The following PTPRD variants were observed in gnomAD, a reference collection of about 807,000 sequenced individuals.
PTPRD encodes the protein receptor-type tyrosine-protein phosphatase delta.
A neutral mutation model predicts 214.5 loss-of-function variants in PTPRD; 34 were observed. The observed-to-expected ratio is 0.16, with a 90% CI of 0.12 to 0.21. The LOEUF (loss-of-function observed/expected upper bound fraction) is 0.21, where lower values mean the gene tolerates loss of function less well. Ranked by LOEUF, PTPRD falls within the 10% of genes least tolerant of loss-of-function variation. PTPRD has a pLI of 1.00. For missense variants in PTPRD, 2,545 were observed against 2,398.7 expected, an observed-to-expected ratio of 1.06 and a Z score of -1.27; for synonymous variants, 1,128 against 845.7, an observed-to-expected ratio of 1.33 and a Z score of -5.79.
intron 4 of PTPRD, among the ~76,000 whole-genome samples, chr9:9,940,629 G>C (rs1031805773): frequency 1.3e-5 from 2 of 152,026 alleles, no homozygotes; most frequent in Non-Finnish European, 2.9e-5. Flanking sequence ...ATACCTGGAG[G>C]CTATAATATT....
In PTPRD at chr9:9,883,110, C is replaced by T. The variant is rs74529145; in HGVS notation, c.-368+55397G>A. ...AAGCCTCTTTTAGTTATAAATTACCCAGTCTTAGGTATTCCTTTACAGCAA... is the reference window on the plus strand; with the variant it reads ...AAGCCTCTTTTAGTTATAAATTACCTAGTCTTAGGTATTCCTTTACAGCAA... On this transcript the variant is annotated intron_variant, in intron 5 of 45. Coordinates refer to ENST00000381196, the MANE Select transcript of PTPRD (RefSeq NM_002839.4). Among the ~76,000 whole-genome samples, 182 of 152,224 alleles carry T rather than the reference C, an allele frequency of 1.2e-3. 2 individuals are homozygous for T. In the East Asian group the frequency reaches 0.029, roughly 24 times the overall value.
At chr9:8,772,472 G>C (rs1045661295) in intron 11 of PTPRD, among the ~76,000 whole-genome samples, 2 of 151,902 alleles carry the variant, frequency 1.3e-5, no homozygotes, top group African/African-American at 4.8e-5. Context: ...AAGATAGTGA[G>C]ACCCCATCTC....
At position 8,849,199 on chromosome 9, in the gene PTPRD, G is replaced by T. The variant is rs1331665133; in HGVS notation, c.-103-115253C>A. Among the ~76,000 whole-genome samples the T allele has an allele frequency of 3.7e-4, 43 of 117,122 alleles. 1 individual carries two copies. In the East Asian group the frequency reaches 0.011, roughly 30 times the overall value. 76.8% of individuals were successfully genotyped at this position (117,122 alleles called of 152,430 possible). A position where few individuals can be genotyped will look rare whatever the true frequency, so the allele number is the denominator to read the frequency against. On this transcript the variant is annotated intron_variant, in intron 11 of 45. Transcript: ENST00000381196. Reference sequence around the variant, plus strand: ...TTTTTTTTTTTTTTTTTTTTGAGACGGAGTCTCGCTTTGTCCCCCAGGCTG... The same window carrying T: ...TTTTTTTTTTTTTTTTTTTTGAGACTGAGTCTCGCTTTGTCCCCCAGGCTG...
intron 10 of PTPRD, among the ~76,000 whole-genome samples, chr9:9,030,964 A>G (rs2099603446): frequency 6.6e-6 from 1 of 151,962 alleles, no homozygotes; most frequent in African/African-American, 2.4e-5. Flanking sequence ...GGAATGAAGA[A>G]TGTAAGGAAC....
rs1290889674 is a variant in PTPRD, at chr9:8,317,174, ATGATT to A, written c.*695_*699del. ...TGCACAAAAATGTGCAAATTTTCAA[ATGATT>A]TGATATTTCTACAGCAAGATATTAC... On this transcript the variant is annotated 3_prime_UTR_variant, in exon 46 of 46. Coordinates refer to ENST00000381196, the MANE Select transcript of PTPRD (RefSeq NM_002839.4). 1 of 232,056 alleles carries A rather than the reference ATGATT, an allele frequency of 4.3e-6. No individual in the cohort carries two copies. The highest frequency in any genetic ancestry group is 8.5e-6 in the Non-Finnish European group (1 of 117,014). 14.4% of individuals were successfully genotyped at this position (232,056 alleles called of 1,614,324 possible).
At chr9:8,833,094 G>A (rs753863740) in intron 11 of PTPRD, among the ~76,000 whole-genome samples, 5 of 152,074 alleles carry the variant, frequency 3.3e-5, no homozygotes, top group African/African-American at 4.8e-5. Context: ...GGCACATCCA[G>A]TTCATACACA....
chr9:10,314,666 T>C (rs1025363071), intron 3 of PTPRD, among the ~76,000 whole-genome samples: 23 of 151,826 alleles, frequency 1.5e-4, no homozygotes, highest in Non-Finnish European at 3.2e-4. Context: ...ATAGAGATAA[T>C]AGATGATACA....
chr9:9,460,435 CA>C (rs1361917786), intron 8 of PTPRD, among the ~76,000 whole-genome samples: 1 of 151,684 alleles, frequency 6.6e-6, no homozygotes, highest in Non-Finnish European at 1.5e-5. Context: ...ACTAACCATC[CA>C]AAAAAGAACT....
At chr9:10,562,288 G>T (rs1056732282) in intron 2 of PTPRD, among the ~76,000 whole-genome samples, 1 of 150,486 alleles carries the variant, frequency 6.6e-6, no homozygotes, top group African/African-American at 2.4e-5. Flanking sequence ...CTTCTTCAAC[G>T]TAATGGAGGG....
intron 9 of PTPRD, among the ~76,000 whole-genome samples, chr9:9,291,004 G>T (rs1195047203): frequency 6.6e-6 from 1 of 151,328 alleles, no homozygotes; most frequent in Non-Finnish European, 1.5e-5. Flanking sequence ...TAATAGCAAA[G>T]ATATCTCAAT....
chr9:9,302,601 C>CTTTT (rs3047853), intron 9 of PTPRD, among the ~76,000 whole-genome samples: 16 of 111,886 alleles, frequency 1.4e-4, no homozygotes, highest in African/African-American at 3.5e-4. Flanking sequence ...TTTTTTTTTT[C>CTTTT]TTTTTTTTTT....
At chr9:8,704,243 C>G (rs1420122248) in intron 12 of PTPRD, among the ~76,000 whole-genome samples, 1 of 152,104 alleles carries the variant, frequency 6.6e-6, no homozygotes, top group East Asian at 1.9e-4. Context: ...GCCTTCCCCC[C>G]TCCCACTCCA....
In PTPRD at chr9:9,316,089, ACAGT is replaced by A. The variant is rs888135715; in HGVS notation, c.-203+81356_-203+81359del. ...ATCCTAAAGAAAACTCTACATATTG[ACAGT>A]CAATTAGGATGTGCTTGCTTGAAAA... On this transcript the variant is annotated intron_variant, in intron 9 of 45. Transcript: ENST00000381196. Among the ~76,000 whole-genome samples the A allele has an allele frequency of 7.0e-4, 106 of 152,070 alleles. 1 individual carries two copies. Among genetic ancestry groups the A allele is most frequent in the African/African-American group, 2.4e-3 (99 of 41,544 alleles).
intron 12 of PTPRD, among the ~76,000 whole-genome samples, chr9:8,685,009 G>T (rs998554493): frequency 6.6e-6 from 1 of 152,048 alleles, no homozygotes; most frequent in East Asian, 1.9e-4. Context: ...GCTCTTCTGG[G>T]GATGGGCTGT....
At chr9:8,605,326 G>A (rs1451487100) in intron 14 of PTPRD, among the ~76,000 whole-genome samples, 1 of 152,146 alleles carries the variant, frequency 6.6e-6, no homozygotes, top group East Asian at 1.9e-4. Flanking sequence ...AATGGGTTGT[G>A]AATTTAACTT....
chr9:8,942,531 CA>C (rs1298433251), intron 11 of PTPRD, among the ~76,000 whole-genome samples: 1 of 152,010 alleles, frequency 6.6e-6, no homozygotes, highest in Admixed American at 6.6e-5. Context: ...AAATCCTACT[CA>C]AAGAGAAATT....
chr9:9,364,822 G>A (rs566719388), intron 9 of PTPRD, among the ~76,000 whole-genome samples: 6 of 151,474 alleles, frequency 4.0e-5, no homozygotes, highest in African/African-American at 1.4e-4. Context: ...CATTTCGGAA[G>A]GTTCAGTTTG....
chr9:9,633,830 T>C (rs1291647127), intron 7 of PTPRD, among the ~76,000 whole-genome samples: 5 of 152,134 alleles, frequency 3.3e-5, no homozygotes, highest in African/African-American at 1.2e-4. Flanking sequence ...AAATAATGTG[T>C]TGTCTTTTCC....
intron 3 of PTPRD, among the ~76,000 whole-genome samples, chr9:10,147,072 A>T (rs554942451): frequency 1.3e-5 from 2 of 152,138 alleles, no homozygotes; most frequent in Non-Finnish European, 2.9e-5. Flanking sequence ...AGAAGCTAAT[A>T]AAGGAGCAAA....
Sources: gnomAD v4.1 joint callset for allele counts (sites outside exome capture counted in the v4.1 genomes callset) on GRCh38, gnomAD v4.1.1 for gene constraint, MANE v1.5 for transcripts, NCBI Gene and HGNC (gene_info 2026-07-23, HGNC 2026-07-21) for gene names.